Variants in UBALD1 observed in about 807,000 individuals in gnomAD.
UBALD1 encodes the protein UBA-like domain-containing protein 1.
UBALD1 carries 5 observed loss-of-function variants against 16.1 expected under a neutral mutation model. The observed-to-expected ratio is 0.31, with a 90% CI of 0.16 to 0.66. The LOEUF is 0.66. UBALD1 is among the 30% of genes least tolerant of loss of function. The pLI is 0.77. For missense variants in UBALD1, 220 were observed against 252.8 expected, an observed-to-expected ratio of 0.87 and a Z score of 0.88; for synonymous variants, 146 against 105.3, an observed-to-expected ratio of 1.39 and a Z score of -2.37.
chr16:4,610,070 C>A (rs1314614241), intron 2 of UBALD1, 87 bp from the exon 3 acceptor site: 2 of 1,055,346 alleles, frequency 1.9e-6, no homozygotes, highest in African/African-American at 3.1e-5. Context: ...CGTGGCTGGC[C>A]CATTCTCGGA....
At chr16:4,612,672 C>G (rs559230036) in intron 1 of UBALD1, among the ~76,000 whole-genome samples, 1 of 152,282 alleles carries the variant, frequency 6.6e-6, no homozygotes, top group East Asian at 1.9e-4. Context: ...CCCATTAGCA[C>G]CTGAATTGCA....
intron 1 of UBALD1, among the ~76,000 whole-genome samples, chr16:4,612,096 C>T (rs568303772): frequency 2.0e-5 from 3 of 146,626 alleles, no homozygotes; most frequent in South Asian, 4.3e-4. Flanking sequence ...GACGGAGTCT[C>T]GCTCTGTCAC....
chr16:4,614,562 G>C, intron 1 of UBALD1, 116 bp downstream of exon 1: 1 of 1,286,578 alleles, frequency 7.8e-7, no homozygotes, highest in African/African-American at 1.5e-5. Flanking sequence ...TCGGGTCTGC[G>C]GCCCGGAGGG....
chr16:4,610,380 G>C, intron 2 of UBALD1, 113 bp downstream of exon 2: 1 of 1,192,882 alleles, frequency 8.4e-7, no homozygotes, highest in Non-Finnish European at 1.2e-6. Context: ...CAAAGAGGTC[G>C]AGCCCCGCCT....
At chr16:4,614,013 C>G (rs1897390055) in intron 1 of UBALD1, 1 of 153,188 alleles carries the variant, frequency 6.5e-6, no homozygotes, top group Non-Finnish European at 1.5e-5. Flanking sequence ...CTCCGACACG[C>G]CACCCCTACA....
At chr16:4,614,236 C>A (rs1033386320) in intron 1 of UBALD1, 23 of 337,126 alleles carry the variant, frequency 6.8e-5, no homozygotes, top group Non-Finnish European at 1.2e-4. Flanking sequence ...GACGTGTGCG[C>A]ACGCCGCCGA....
At position 4,609,787 on chromosome 16, in the gene UBALD1, G is replaced by A. The variant is rs773973529; in HGVS notation, c.380C>T (p.Ala127Val). Residue 127 changes from alanine to valine, a missense_variant, in exon 3 of 3, where the codon GCG (alanine) becomes GTG (valine). Around this residue, in one of 2 missense-constraint regions of UBALD1, gnomAD observed 151 missense variants for 132.6 expected, o/e 1.14. Coordinates refer to ENST00000283474, the MANE Select transcript of UBALD1 (RefSeq NM_145253.3). ...CTGTGGGCCCCCCGGGGGCGAGGCC[G>A]CCGTGGGCCAGCTGGAGGCCGCAGA... ...SSSAASSWPT[A>V]ASPPGGPQHH... 7.4e-5 allele frequency: 111 copies of A among 1,507,612 alleles called. No individual in the cohort carries two copies. The highest frequency in any genetic ancestry group is 1.9e-4 in the Middle Eastern group (1 of 5,380). 93.4% of individuals were successfully genotyped at this position (1,507,612 alleles called of 1,614,324 possible).
At position 4,609,505 on chromosome 16, in the gene UBALD1, C is replaced by A; in HGVS notation, c.*128G>T. 4.5e-6 allele frequency: 2 copies of A among 444,818 alleles called. No individual in the cohort carries two copies. Among genetic ancestry groups the A allele is most frequent in the Non-Finnish European group, 3.8e-6 (1 of 261,304 alleles). 27.6% of individuals were successfully genotyped at this position (444,818 alleles called of 1,614,324 possible). ...GACGTGTCCCTGCCTGGCTAGAGTCCGCGCTCTCCCCTCCAGGGCTCCGGG... is the reference window on the plus strand; with the variant it reads ...GACGTGTCCCTGCCTGGCTAGAGTCAGCGCTCTCCCCTCCAGGGCTCCGGG... On this transcript the variant is annotated 3_prime_UTR_variant, in exon 3 of 3. Transcript: ENST00000283474.
Position 4,609,793 on chromosome 16 carries a change from G to A in UBALD1, c.374C>T (p.Pro125Leu). Residue 125 changes from proline to leucine, a missense_variant, in exon 3 of 3, where the codon CCC becomes CTC. By Grantham distance (98) the Pro-to-Leu change is moderately conservative. This residue lies in a region of UBALD1 where 151 missense variants were observed against 132.6 expected (regional missense o/e 1.14). Coordinates refer to ENST00000283474, the MANE Select transcript of UBALD1 (RefSeq NM_145253.3). ...ATSSSAASSWPTAASPPGGPQ... is the reference protein window; with the variant it reads ...ATSSSAASSWLTAASPPGGPQ... ...GCCCCCCGGGGGCGAGGCCGCCGTG[G>A]GCCAGCTGGAGGCCGCAGAGCTGCT... 1 of 1,506,946 alleles carries A rather than the reference G, an allele frequency of 6.6e-7. No homozygotes were observed. The highest frequency in any genetic ancestry group is 8.8e-7 in the Non-Finnish European group (1 of 1,130,440). 93.3% of individuals were successfully genotyped at this position (1,506,946 alleles called of 1,614,324 possible).
chr16:4,614,813 C>T lies in UBALD1; in HGVS notation c.-16G>A. On this transcript the variant is annotated 5_prime_UTR_variant, in exon 1 of 3. Transcript: ENST00000283474. ...TCACGGACATGGCGCCGCCGCGCTG[C>T]CCGCTCCGGCCTCCCTCCTCCGCCC... 2.0e-6 allele frequency: 3 copies of T among 1,492,430 alleles called. No individual in the cohort carries two copies. The highest frequency in any genetic ancestry group is 2.7e-6 in the Non-Finnish European group (3 of 1,121,050). The allele number at this position is 1,492,430 out of a possible 1,614,324, so 92.4% of individuals were successfully genotyped here.
At chr16:4,610,635 G>T in intron 1 of UBALD1, 80 bp from the exon 2 acceptor site, 1 of 1,484,996 alleles carries the variant, frequency 6.7e-7, no homozygotes, top group Non-Finnish European at 9.2e-7. Context: ...CTCCTCTGAG[G>T]CTGGGGATGA....
chr16:4,611,396 G>C (rs1022473558), intron 1 of UBALD1: 2 of 152,320 alleles, frequency 1.3e-5, no homozygotes, highest in African/African-American at 4.8e-5. Flanking sequence ...CCAGCCACCC[G>C]CCCTTGGCTG....
chr16:4,610,905 G>T (rs574114850), intron 1 of UBALD1: 3 of 420,182 alleles, frequency 7.1e-6, no homozygotes, highest in African/African-American at 2.0e-5. Context: ...GGGGAAAGGC[G>T]CCCGGCCCCA....
In UBALD1 at chr16:4,609,618, G is replaced by C. The variant is rs1270076967; in HGVS notation, c.*15C>G. The C allele has an allele frequency of 2.5e-6, 3 of 1,220,484 alleles. No individual in the cohort carries two copies. Among genetic ancestry groups the C allele is most frequent in the South Asian group, 2.2e-5 (1 of 45,512 alleles). The allele number at this position is 1,220,484 out of a possible 1,614,324, so 75.6% of individuals were successfully genotyped here. On this transcript the variant is annotated 3_prime_UTR_variant, in exon 3 of 3. Transcript: ENST00000283474. Reference sequence around the variant, plus strand: ...CCACGGGGTCCTGGCCTCCGGGAGGGGGGAGGGGCCTCCCTTATCTCTCTG... The same window carrying C: ...CCACGGGGTCCTGGCCTCCGGGAGGCGGGAGGGGCCTCCCTTATCTCTCTG...
chr16:4,609,607 C>T lies in UBALD1; in HGVS notation c.*26G>A. ...TCTCCCCCGCCCCACGGGGTCCTGG[C>T]CTCCGGGAGGGGGGAGGGGCCTCCC... On this transcript the variant is annotated 3_prime_UTR_variant, in exon 3 of 3. Coordinates refer to ENST00000283474, the MANE Select transcript of UBALD1 (RefSeq NM_145253.3). 9.0e-7 allele frequency: 1 copy of T among 1,106,762 alleles called. No homozygotes were observed. Among genetic ancestry groups the T allele is most frequent in the Non-Finnish European group, 1.2e-6 (1 of 825,048 alleles). 68.6% of individuals were successfully genotyped at this position (1,106,762 alleles called of 1,614,324 possible).
chr16:4,613,390 C>T (rs1897381679), intron 1 of UBALD1, among the ~76,000 whole-genome samples: 1 of 152,178 alleles, frequency 6.6e-6, no homozygotes, highest in Non-Finnish European at 1.5e-5. Flanking sequence ...TCAGTGGCCT[C>T]CGCGACGGCT....
intron 1 of UBALD1, 164 bp downstream of exon 1, chr16:4,614,514 G>T: frequency 8.3e-7 from 1 of 1,207,076 alleles, no homozygotes; most frequent in Non-Finnish European, 1.1e-6. Flanking sequence ...GCGAGCCCTT[G>T]GGATCCGGAC....
intron 1 of UBALD1, among the ~76,000 whole-genome samples, chr16:4,613,475 C>T (rs1201006531): frequency 6.6e-6 from 1 of 152,124 alleles, no homozygotes; most frequent in African/African-American, 2.4e-5. Context: ...CCAGACTGTC[C>T]CAAGCTTGGG....
At chr16:4,610,447 G>A in intron 2 of UBALD1, 46 bp downstream of exon 2, 1 of 1,559,658 alleles carries the variant, frequency 6.4e-7, no homozygotes. Flanking sequence ...AACTAGCTCG[G>A]CCTCCTTCCG....
Sources: gnomAD v4.1 joint callset for allele counts (sites outside exome capture counted in the v4.1 genomes callset) on GRCh38, gnomAD v4.1.1 for gene constraint, gnomAD v4.1.1 regional missense constraint, MANE v1.5 for transcripts, NCBI Gene and HGNC (gene_info 2026-07-23, HGNC 2026-07-21) for gene names.